The following NRXN3 variants were observed in gnomAD, a reference collection of about 807,000 sequenced individuals.
NRXN3 encodes neurexin 3, also known as neurexin III.
Under a neutral mutation model 137.6 loss-of-function variants are expected in NRXN3, and 32 were observed. The observed-to-expected ratio is 0.23, with a 90% confidence interval of 0.18 to 0.31. The LOEUF is 0.31. Among genes scored for constraint, NRXN3 ranks in the 10% least tolerant of loss-of-function variants. NRXN3 has a pLI of 1.00. For synonymous variants in NRXN3, 798 were observed against 784.5 expected (o/e 1.02, Z -0.29); for missense variants, 1,574 against 2,062.5 (o/e 0.76, Z 4.59).
intron 15 of NRXN3, among the ~76,000 whole-genome samples, chr14:79,392,761 G>A (rs2094892351): frequency 6.6e-6 from 1 of 151,988 alleles, no homozygotes; most frequent in South Asian, 2.1e-4. Context: ...CATGAGGTCA[G>A]GAGATCGAGA....
intron 15 of NRXN3, among the ~76,000 whole-genome samples, chr14:79,293,877 A>G (rs2083593303): frequency 6.6e-6 from 1 of 152,232 alleles, no homozygotes; most frequent in South Asian, 2.1e-4. Flanking sequence ...AATTACATGG[A>G]AGGTTTTATC....
At chr14:78,382,596 G>C (rs1014173008) in intron 4 of NRXN3, among the ~76,000 whole-genome samples, 1 of 152,204 alleles carries the variant, frequency 6.6e-6, no homozygotes, top group Non-Finnish European at 1.5e-5. Context: ...GTAAATAAGA[G>C]ATTTAAGTGA....
At chr14:79,315,079 CAGG>C (rs2088244691) in intron 15 of NRXN3, among the ~76,000 whole-genome samples, 1 of 152,182 alleles carries the variant, frequency 6.6e-6, no homozygotes, top group Non-Finnish European at 1.5e-5. Flanking sequence ...ATGGAATTCC[CAGG>C]TGATAATGTA....
Position 79,531,944 on chromosome 14 carries a change from A to G in NRXN3, c.3444+64542A>G, listed in dbSNP as rs201271207. 2.0e-5 allele frequency among the ~76,000 whole-genome samples: 3 copies of G among 152,328 alleles called. No individual in the cohort carries two copies. The East Asian group carries it at 5.8e-4, about 29-fold the overall frequency. The stretch of plus-strand genomic sequence containing the variant: ...GAGTGAGCAGAAATTATTCTCGTCA[A>G]TCATCCATGTGTCCCTCTATATCCT... On this transcript the variant is annotated intron_variant, in intron 16 of 20. Transcript: ENST00000335750.
chr14:78,882,331 A>C (rs1198811768), intron 10 of NRXN3, among the ~76,000 whole-genome samples: 1 of 151,738 alleles, frequency 6.6e-6, no homozygotes, highest in African/African-American at 2.4e-5. Flanking sequence ...CCAGAATGGT[A>C]GATCCACTGA....
At chr14:79,082,382 G>C (rs1253107185) in intron 15 of NRXN3, among the ~76,000 whole-genome samples, 6 of 89,182 alleles carry the variant, frequency 6.7e-5, no homozygotes, top group Non-Finnish European at 1.3e-4. Flanking sequence ...TCCTGTGTAT[G>C]CAAACTAATT....
chr14:79,471,243 C>T (rs2096503115), intron 16 of NRXN3, among the ~76,000 whole-genome samples: 1 of 152,140 alleles, frequency 6.6e-6, no homozygotes, highest in Non-Finnish European at 1.5e-5. Context: ...TAGGCTTCAT[C>T]TTGCCTGAAA....
At chr14:79,729,520 A>G (rs2098913929) in intron 19 of NRXN3, among the ~76,000 whole-genome samples, 1 of 152,204 alleles carries the variant, frequency 6.6e-6, no homozygotes, top group African/African-American at 2.4e-5. Flanking sequence ...TATTTCTGAA[A>G]GAAAGAAGGG....
At chr14:79,768,620 T>G (rs1439887273) in intron 19 of NRXN3, among the ~76,000 whole-genome samples, 1 of 152,200 alleles carries the variant, frequency 6.6e-6, no homozygotes, top group Non-Finnish European at 1.5e-5. Flanking sequence ...AAAACCCATC[T>G]GTACATCACC....
chr14:79,499,977 G>GTGTA (rs2096804768), intron 16 of NRXN3, among the ~76,000 whole-genome samples: 1 of 151,620 alleles, frequency 6.6e-6, no homozygotes, highest in African/African-American at 2.4e-5. Flanking sequence ...GTGTGTGTGT[G>GTGTA]TGTGTGTGTG....
intron 20 of NRXN3, among the ~76,000 whole-genome samples, chr14:79,815,586 G>A (rs2099249179): frequency 6.6e-6 from 1 of 152,060 alleles, no homozygotes; most frequent in Non-Finnish European, 1.5e-5. Flanking sequence ...AGAGGAGGAG[G>A]GAAATGTAAA....
At chr14:78,419,711 G>A (rs2093339269) in intron 4 of NRXN3, among the ~76,000 whole-genome samples, 1 of 152,118 alleles carries the variant, frequency 6.6e-6, no homozygotes, top group South Asian at 2.1e-4. Flanking sequence ...AACAGTAGTG[G>A]TAATGAATAA....
intron 4 of NRXN3, among the ~76,000 whole-genome samples, chr14:78,470,475 A>G (rs1474701216): frequency 6.6e-6 from 1 of 152,026 alleles, no homozygotes; most frequent in East Asian, 1.9e-4. Context: ...AATCCTCGTC[A>G]GTAATCAAGA....
chr14:78,190,498 T>A (rs1440606463), intron 1 of NRXN3, among the ~76,000 whole-genome samples: 1 of 152,166 alleles, frequency 6.6e-6, no homozygotes, highest in Non-Finnish European at 1.5e-5. Context: ...AAGAACATTA[T>A]ACAAATGAGC....
chr14:78,861,630 A>G (rs527926645), intron 10 of NRXN3, among the ~76,000 whole-genome samples: 1 of 152,276 alleles, frequency 6.6e-6, no homozygotes, highest in African/African-American at 2.4e-5. Flanking sequence ...ATAGACATAC[A>G]TGATGCTGTG....
intron 20 of NRXN3, among the ~76,000 whole-genome samples, chr14:79,843,947 A>G (rs1323023213): frequency 6.6e-6 from 1 of 151,952 alleles, no homozygotes; most frequent in Non-Finnish European, 1.5e-5. Flanking sequence ...TCATTCTTGT[A>G]CCTTTGTGTC....
intron 16 of NRXN3, among the ~76,000 whole-genome samples, chr14:79,474,882 G>A (rs1301305092): frequency 6.6e-6 from 1 of 152,090 alleles, no homozygotes; most frequent in African/African-American, 2.4e-5. Context: ...GCAAGAAGAA[G>A]ATGACAATAG....
intron 15 of NRXN3, among the ~76,000 whole-genome samples, chr14:79,234,006 A>C (rs1231985143): frequency 6.6e-6 from 1 of 151,800 alleles, no homozygotes. Context: ...TCTTTTGAGC[A>C]ATGTTATTTT....
chr14:78,270,440 A>G (rs956543457), intron 2 of NRXN3, among the ~76,000 whole-genome samples: 2 of 152,182 alleles, frequency 1.3e-5, no homozygotes, highest in Non-Finnish European at 2.9e-5. Context: ...AAGTTGATAT[A>G]TGCATCCTGT....
Sources: allele counts gnomAD v4.1 joint callset (sites outside exome capture counted in the v4.1 genomes callset), GRCh38; gene constraint gnomAD v4.1.1; transcripts MANE v1.5; gene names NCBI Gene and HGNC (gene_info 2026-07-23, HGNC 2026-07-21).